Variants in TRAPPC9 observed in about 807,000 individuals in gnomAD.
TRAPPC9 encodes the protein trafficking protein particle complex subunit 9.
TRAPPC9 carries 83 observed loss-of-function variants against 124.0 expected under a neutral mutation model. That is an observed-to-expected ratio of 0.67 (90% CI 0.56 to 0.80). The LOEUF (loss-of-function observed/expected upper bound fraction) is 0.80, where lower values mean the gene tolerates loss of function less well. TRAPPC9 is among the 30% of genes least tolerant of loss of function. The pLI is 0.00. For missense variants in TRAPPC9, 1,302 were observed against 1,508.3 expected, an observed-to-expected ratio of 0.86 and a Z score of 2.27; for synonymous variants, 638 against 617.5, an observed-to-expected ratio of 1.03 and a Z score of -0.49.
intron 19 of TRAPPC9, among the ~76,000 whole-genome samples, chr8:139,937,944 T>TC (rs1234717466): frequency 1.1e-4 from 17 of 152,252 alleles, no homozygotes; most frequent in African/African-American, 3.9e-4. Context: ...CAGAGACACC[T>TC]CCTCAGTGGC....
chr8:139,855,896 C>T (rs1400437825), intron 21 of TRAPPC9, among the ~76,000 whole-genome samples: 1 of 152,194 alleles, frequency 6.6e-6, no homozygotes, highest in Non-Finnish European at 1.5e-5. Flanking sequence ...AACCTGGGTC[C>T]CCCACAGAAC....
At chr8:139,854,107 A>G (rs916139575) in intron 21 of TRAPPC9, among the ~76,000 whole-genome samples, 1 of 152,176 alleles carries the variant, frequency 6.6e-6, no homozygotes, top group Non-Finnish European at 1.5e-5. Context: ...TGCCTTCAAC[A>G]TTCTACAGGA....
intron 17 of TRAPPC9, among the ~76,000 whole-genome samples, chr8:140,025,565 C>CA (rs11329773): frequency 0.037 from 4,542 of 123,752 alleles, 232 homozygotes; most frequent in African/African-American, 0.12. Context: ...AAGCAAAATG[C>CA]AAAAAAAAAA....
chr8:139,772,241 C>T (rs890295832), intron 21 of TRAPPC9, among the ~76,000 whole-genome samples: 1 of 152,236 alleles, frequency 6.6e-6, no homozygotes, highest in African/African-American at 2.4e-5. Flanking sequence ...AGGTCTGTGC[C>T]TGTGGCCCTA....
chr8:140,108,620 T>C (rs1308959183), intron 17 of TRAPPC9, among the ~76,000 whole-genome samples: 1 of 152,198 alleles, frequency 6.6e-6, no homozygotes, highest in African/African-American at 2.4e-5. Flanking sequence ...TGAAGCCTGT[T>C]TGAAGGGTGG....
At chr8:140,092,043 G>A (rs981916516) in intron 17 of TRAPPC9, among the ~76,000 whole-genome samples, 4 of 146,758 alleles carry the variant, frequency 2.7e-5, no homozygotes, top group East Asian at 2.0e-4. Context: ...TCCTCCTGCC[G>A]GCCAGCTCCA....
intron 16 of TRAPPC9, among the ~76,000 whole-genome samples, chr8:140,237,072 T>C (rs1429716325): frequency 6.6e-6 from 1 of 152,050 alleles, no homozygotes; most frequent in African/African-American, 2.4e-5. Context: ...TCCCAGCTAC[T>C]GAGGAGGCTG....
chr8:140,403,870 G>A (rs536690984), intron 6 of TRAPPC9, among the ~76,000 whole-genome samples: 13 of 151,936 alleles, frequency 8.6e-5, no homozygotes, highest in Admixed American at 7.2e-4. Context: ...GTTGCCCGGG[G>A]TGGTCTCAAA....
At chr8:139,979,859 C>A (rs1836769317) in intron 19 of TRAPPC9, among the ~76,000 whole-genome samples, 1 of 152,080 alleles carries the variant, frequency 6.6e-6, no homozygotes, top group South Asian at 2.1e-4. Context: ...AGAGCCGTGG[C>A]CGATGGGCAA....
intron 17 of TRAPPC9, among the ~76,000 whole-genome samples, chr8:140,169,049 C>A (rs2130933140): frequency 6.6e-6 from 1 of 152,164 alleles, no homozygotes; most frequent in Non-Finnish European, 1.5e-5. Context: ...GCAGATGAAC[C>A]AACATGCATG....
chr8:140,309,310 C>T (rs1441283729), intron 10 of TRAPPC9, among the ~76,000 whole-genome samples: 1 of 152,212 alleles, frequency 6.6e-6, no homozygotes, highest in Non-Finnish European at 1.5e-5. Context: ...CTGTGTGGGG[C>T]AATTTTTAAG....
At chr8:139,787,996 A>T (rs1339204336) in intron 21 of TRAPPC9, among the ~76,000 whole-genome samples, 1 of 152,206 alleles carries the variant, frequency 6.6e-6, no homozygotes, top group Non-Finnish European at 1.5e-5. Context: ...CACCGCGGGC[A>T]TCTGACCCTG....
chr8:140,362,869 T>C (rs1279905931), intron 8 of TRAPPC9, among the ~76,000 whole-genome samples: 1 of 152,182 alleles, frequency 6.6e-6, no homozygotes, highest in Non-Finnish European at 1.5e-5. Context: ...CTTTTAAAAA[T>C]AGATAATGAT....
intron 17 of TRAPPC9, among the ~76,000 whole-genome samples, chr8:140,056,705 A>C (rs1049583700): frequency 7.9e-5 from 12 of 152,162 alleles, no homozygotes; most frequent in Non-Finnish European, 1.5e-4. Flanking sequence ...AAAATGTTAA[A>C]ACTCCAAGAA....
chr8:139,736,982 C>T (rs1400160582), intron 21 of TRAPPC9, among the ~76,000 whole-genome samples: 1 of 152,192 alleles, frequency 6.6e-6, no homozygotes, highest in East Asian at 1.9e-4. Flanking sequence ...ATGGCTTCCC[C>T]GACTCCAACC....
intron 21 of TRAPPC9, among the ~76,000 whole-genome samples, chr8:139,883,928 C>T (rs934913414): frequency 3.9e-5 from 6 of 152,144 alleles, no homozygotes; most frequent in Admixed American, 2.6e-4. Context: ...GTGAGGAGTG[C>T]GTGGCAGCTC....
chr8:140,049,353 A>G (rs935062255), intron 17 of TRAPPC9, among the ~76,000 whole-genome samples: 1 of 152,196 alleles, frequency 6.6e-6, no homozygotes, highest in African/African-American at 2.4e-5. Context: ...TGGAAAATCA[A>G]TAAGCTGCAA....
At chr8:139,750,500 C>T (rs1309851853) in intron 21 of TRAPPC9, among the ~76,000 whole-genome samples, 1 of 152,174 alleles carries the variant, frequency 6.6e-6, no homozygotes, top group Non-Finnish European at 1.5e-5. Flanking sequence ...AGGCAGCACC[C>T]CTGCATTGCA....
At chr8:140,146,563 TA>T (rs1483616538) in intron 17 of TRAPPC9, among the ~76,000 whole-genome samples, 4 of 151,986 alleles carry the variant, frequency 2.6e-5, no homozygotes, top group Non-Finnish European at 4.4e-5. Context: ...CTCCATTTTT[TA>T]AAAAAAACAG....
Sources: allele counts gnomAD v4.1 joint callset (sites outside exome capture counted in the v4.1 genomes callset), GRCh38; gene constraint gnomAD v4.1.1; transcripts MANE v1.5; gene names NCBI Gene and HGNC (gene_info 2026-07-23, HGNC 2026-07-21).